The following DHPS variants were observed in gnomAD, a reference collection of about 807,000 sequenced individuals.
DHPS encodes the protein migration-inducing gene 13.
DHPS carries 24 observed loss-of-function variants against 38.7 expected under a neutral mutation model. The ratio of observed to expected loss-of-function variants is 0.62; its 90% CI spans 0.45 to 0.87. The LOEUF is 0.87. DHPS is among the 40% of genes least tolerant of loss of function. DHPS has a pLI of 0.00. For missense variants in DHPS, 510 were observed against 497.6 expected (o/e 1.02, Z -0.24); for synonymous variants, 250 against 204.4 (o/e 1.22, Z -1.90).
At position 12,677,107 on chromosome 19, in the gene DHPS, CCAT is replaced by C. The variant is rs2024621792; in HGVS notation, c.886_888del (p.Met296del). 2 of 1,613,764 alleles carry C rather than the reference CCAT, an allele frequency of 1.2e-6. No individual in the cohort carries two copies. The highest frequency in any genetic ancestry group is 1.7e-6 in the Non-Finnish European group (2 of 1,179,646). ...TGGGCCGAAGCGCCACCCCCACTCA[CCAT>C]GAGGTTGGCATTGGCAATGTGGTGC... is the stretch of plus-strand genomic sequence containing the variant. On this transcript the variant is annotated inframe_deletion and splice_region_variant, in exon 7 of 9. Transcript: ENST00000210060.
At chr19:12,680,117 C>T in intron 2 of DHPS, 44 bp downstream of exon 2, 19 of 1,607,544 alleles carry the variant, frequency 1.2e-5, no homozygotes, top group Non-Finnish European at 1.6e-5. Context: ...ACTGCATTGC[C>T]CATTGACCCA....
downstream of DHPS, chr19:12,673,213 A>G (rs764380107): frequency 3.4e-5 from 55 of 1,613,898 alleles, no homozygotes; most frequent in Admixed American, 1.0e-4. Flanking sequence ...TACAAGGGCC[A>G]TAAGAACCAG....
At chr19:12,679,371 A>C (rs2024721710) in intron 5 of DHPS, 86 bp downstream of exon 5, 13 of 1,241,026 alleles carry the variant, frequency 1.0e-5, no homozygotes, top group Admixed American at 8.5e-5. Context: ...TGAGAATAAC[A>C]GTACTGAATC....
chr19:12,681,344 C>T, intron 1 of DHPS: 2 of 1,020,558 alleles, frequency 2.0e-6, no homozygotes, highest in East Asian at 2.7e-5. Context: ...TCCTCGCCTC[C>T]TCAGGTTACC....
intron 2 of DHPS, 59 bp from the exon 3 acceptor site, chr19:12,679,981 C>A: frequency 6.3e-7 from 1 of 1,578,600 alleles, no homozygotes; most frequent in Non-Finnish European, 8.6e-7. Flanking sequence ...TCATTCTGGG[C>A]AGAACTTCTA....
At position 12,681,803 on chromosome 19, in the gene DHPS, AG is replaced by A; in HGVS notation, c.-38del. 1 of 1,582,992 alleles carries A rather than the reference AG, an allele frequency of 6.3e-7. No homozygotes were observed. Among genetic ancestry groups the A allele is most frequent in the African/African-American group, 1.3e-5 (1 of 74,506 alleles). ...CGGCTCTCGAGTCAAAGCTGCCCCT[AG>A]GCCGGGCTTACGGCGGCCCAGAAAC... is the stretch of plus-strand genomic sequence containing the variant. On this transcript the variant is annotated 5_prime_UTR_variant, in exon 1 of 9. Coordinates refer to ENST00000210060, the MANE Select transcript of DHPS (RefSeq NM_001930.4).
intron 1 of DHPS, 51 bp downstream of exon 1, chr19:12,681,509 T>C: frequency 1.2e-6 from 2 of 1,603,874 alleles, no homozygotes; most frequent in South Asian, 2.2e-5. Context: ...ACCGCGTTGG[T>C]TCTACAAGCC....
rs749788690 is a variant in DHPS at position 12,679,724 on chromosome 19, G to C, written c.495-5C>G. On this transcript the variant is annotated splice_region_variant and splice_polypyrimidine_tract_variant and intron_variant, in intron 3 of 8. Transcript: ENST00000210060. ...GGCACCAGCAGGTTTCCGATCCTGA[G>C]AACAGGAGGCATGTAGGCATCAGGC... The C allele has an allele frequency of 3.1e-6, 5 of 1,614,172 alleles. No homozygotes were observed. The highest frequency in any genetic ancestry group is 1.7e-5 in the Admixed American group (1 of 60,016).
At position 12,679,541 on chromosome 19, in the gene DHPS, A is replaced by C; in HGVS notation, c.594T>G (p.Gly198=). 6.2e-7 allele frequency: 1 copy of C among 1,613,908 alleles called. No individual in the cohort carries two copies. Among genetic ancestry groups the C allele is most frequent in the Non-Finnish European group, 8.5e-7 (1 of 1,179,984 alleles). The change falls in exon 5 of 9, where the codon GGT becomes GGG. Residue 198 remains glycine, a splice_region_variant and synonymous_variant. Transcript: ENST00000210060. ...DQMVMEQNTE[G]VKWTPSKMIA... ...TCATCTTAGAAGGCGTCCACTTTAC[A>C]CCCTAGGAGAGGATGTGACCTTCAG...
Position 12,680,184 on chromosome 19 carries a change from G to A in DHPS, c.349C>T (p.Arg117Cys), listed in dbSNP as rs149837741. 1.2e-5 allele frequency: 19 copies of A among 1,614,084 alleles called. No individual in the cohort carries two copies. Among genetic ancestry groups the A allele is most frequent in the Non-Finnish European group, 1.6e-5 (19 of 1,180,034 alleles). ...ACCATGTTGTGCTGCACAAGGTAGC[G>A]AATGGTCTCACGGATGCCTGAACTG... ...LISSGIRETI[R>C]YLVQHNMVDV... The change falls in exon 2 of 9, where the codon CGC becomes TGC. Residue 117 changes from arginine (R) to cysteine (C), a missense_variant. Transcript: ENST00000210060.
intron 5 of DHPS, among the ~76,000 whole-genome samples, chr19:12,677,784 T>C (rs1045356526): frequency 6.6e-6 from 1 of 151,998 alleles, no homozygotes; most frequent in African/African-American, 2.4e-5. Flanking sequence ...TACAGGCGCA[T>C]GCCACTATGC....
At chr19:12,672,751 C>G, downstream of DHPS, 1 of 1,285,448 alleles carries the variant, frequency 7.8e-7, no homozygotes, top group Non-Finnish European at 1.1e-6. Flanking sequence ...CTCCTGTGCA[C>G]TGGAAGAGCA....
chr19:12,677,071 T>G, intron 7 of DHPS, 37 bp downstream of exon 7: 2 of 1,575,368 alleles, frequency 1.3e-6, no homozygotes, highest in Non-Finnish European at 8.7e-7. Flanking sequence ...CCACACAGCA[T>G]GTCTGCAGAG....
At chr19:12,678,408 A>G (rs2024687129) in intron 5 of DHPS, among the ~76,000 whole-genome samples, 1 of 152,146 alleles carries the variant, frequency 6.6e-6, no homozygotes, top group Non-Finnish European at 1.5e-5. Context: ...TCAAGACAGC[A>G]GTGAGCCATT....
At chr19:12,679,415 C>A in intron 5 of DHPS, 42 bp downstream of exon 5, 9 of 1,574,106 alleles carry the variant, frequency 5.7e-6, no homozygotes, top group Non-Finnish European at 7.9e-6. Flanking sequence ...TAAGTTAACA[C>A]ATGCCAAAGT....
downstream of DHPS, among the ~76,000 whole-genome samples, chr19:12,673,781 C>G (rs903745137): frequency 1.3e-5 from 2 of 152,158 alleles, no homozygotes; most frequent in African/African-American, 2.4e-5. Flanking sequence ...TCACTGCAAC[C>G]TCTTCCCCCC....
chr19:12,678,113 G>A (rs962152170), intron 5 of DHPS, among the ~76,000 whole-genome samples: 7 of 151,926 alleles, frequency 4.6e-5, no homozygotes, highest in Non-Finnish European at 8.8e-5. Flanking sequence ...TTAGCCAGGG[G>A]TGGTGGCACA....
downstream of DHPS, among the ~76,000 whole-genome samples, chr19:12,674,720 G>C (rs1339717228): frequency 6.6e-6 from 1 of 152,120 alleles, no homozygotes; most frequent in Non-Finnish European, 1.5e-5. Context: ...CTGTGAGCAA[G>C]GCATGCTCCA....
At position 12,677,780 on chromosome 19, in the gene DHPS, C is replaced by T. The variant is rs537493477; in HGVS notation, c.679-384G>A. The stretch of plus-strand genomic sequence containing the variant: ...CCTCCCGAGTAGCTAGGATTACAGG[C>T]GCATGCCACTATGCCCAGCTAATTT... On this transcript the variant is annotated intron_variant, in intron 5 of 8. Coordinates refer to ENST00000210060, the MANE Select transcript of DHPS (RefSeq NM_001930.4). Among the ~76,000 whole-genome samples, 37 of 152,122 alleles carry T rather than the reference C, an allele frequency of 2.4e-4. No individual in the cohort carries two copies. In the South Asian group the frequency reaches 5.6e-3, roughly 23 times the overall value.
Sources: allele counts gnomAD v4.1 joint callset (sites outside exome capture counted in the v4.1 genomes callset), GRCh38; gene constraint gnomAD v4.1.1; transcripts MANE v1.5; gene names NCBI Gene and HGNC (gene_info 2026-07-23, HGNC 2026-07-21).